CAPZB: variants seen among roughly 807,000 people sequenced by gnomAD.
CAPZB encodes the protein F-actin-capping protein subunit beta.
Under a neutral mutation model 38.1 loss-of-function variants are expected in CAPZB, and 2 were observed. The observed-to-expected ratio is 0.05, with a 90% CI of 0.02 to 0.17. The LOEUF (loss-of-function observed/expected upper bound fraction) is 0.17, where lower values mean the gene tolerates loss of function less well. Among genes scored for constraint, CAPZB ranks in the 10% least tolerant of loss-of-function variants. The probability of loss-of-function intolerance (pLI) is 1.00; values close to 1 mark genes in which losing one functional copy is unlikely to be tolerated. For synonymous variants in CAPZB, 107 were observed against 127.4 expected, an observed-to-expected ratio of 0.84 and a Z score of 1.08; for missense variants, 161 against 334.2, an observed-to-expected ratio of 0.48 and a Z score of 4.04.
chr1:19,365,345 G>A (rs1163203564), intron 4 of CAPZB, among the ~76,000 whole-genome samples: 3 of 152,122 alleles, frequency 2.0e-5, no homozygotes, highest in Non-Finnish European at 2.9e-5. Context: ...CTCTTCCCCC[G>A]AAGTCTTTAT....
intron 2 of CAPZB, among the ~76,000 whole-genome samples, chr1:19,389,239 G>A (rs1224707806): frequency 6.6e-6 from 1 of 151,970 alleles, no homozygotes; most frequent in Admixed American, 6.6e-5. Flanking sequence ...ACCTCTGCCC[G>A]AAACTCCTCA....
At chr1:19,428,721 C>T (rs2094432315) in intron 1 of CAPZB, among the ~76,000 whole-genome samples, 3 of 152,160 alleles carry the variant, frequency 2.0e-5, no homozygotes, top group East Asian at 1.9e-4. Context: ...GGATCTTCTT[C>T]GTGTTTTGAG....
chr1:19,394,521 G>C (rs2094255441), intron 2 of CAPZB, among the ~76,000 whole-genome samples: 3 of 152,200 alleles, frequency 2.0e-5, no homozygotes, highest in Admixed American at 2.0e-4. Flanking sequence ...AGGAGTTTGA[G>C]ACCAACCTGG....
chr1:19,474,966 T>C (rs114600284), intron 1 of CAPZB, among the ~76,000 whole-genome samples: 456 of 152,268 alleles, frequency 3.0e-3, no homozygotes, highest in Non-Finnish European at 4.8e-3. Flanking sequence ...GGCCCAGAAC[T>C]GACAAGGACC....
At chr1:19,365,625 G>A (rs2094079565) in intron 4 of CAPZB, among the ~76,000 whole-genome samples, 1 of 152,162 alleles carries the variant, frequency 6.6e-6, no homozygotes, top group Admixed American at 6.5e-5. Context: ...GAGGTCAGGA[G>A]TTCGAGACCA....
Position 19,359,294 on chromosome 1 carries a change from G to A in CAPZB, c.330-1731C>T, listed in dbSNP as rs77853905. On this transcript the variant is annotated intron_variant, in intron 4 of 8. Transcript: ENST00000264202. ...AAGCTTTTGTGAAAAATCAGTACACGAATACACCGGAGTGTAATGTAACTA... is the reference window on the plus strand; with the variant it reads ...AAGCTTTTGTGAAAAATCAGTACACAAATACACCGGAGTGTAATGTAACTA... 5.0e-5 allele frequency among the ~76,000 whole-genome samples: 7 copies of A among 139,248 alleles called. 1 individual carries two copies. The South Asian group carries it at 6.9e-4, about 14-fold the overall frequency. The allele number at this position is 139,248 out of a possible 152,430, so 91.4% of individuals were successfully genotyped here. A position where few individuals can be genotyped will look rare whatever the true frequency, so the allele number is the denominator to read the frequency against.
intron 2 of CAPZB, among the ~76,000 whole-genome samples, chr1:19,416,927 C>T (rs1463706173): frequency 2.8e-5 from 4 of 141,836 alleles, no homozygotes; most frequent in Non-Finnish European, 6.1e-5. Context: ...TCACACAGTA[C>T]ACCATATATC....
intron 1 of CAPZB, among the ~76,000 whole-genome samples, chr1:19,430,153 C>T (rs1173256295): frequency 2.6e-5 from 4 of 152,192 alleles, no homozygotes; most frequent in African/African-American, 9.7e-5. Flanking sequence ...ACAACTGTGG[C>T]AGCACTAGCA....
intron 3 of CAPZB, among the ~76,000 whole-genome samples, chr1:19,384,123 G>T (rs181516583): frequency 1.3e-5 from 2 of 152,172 alleles, no homozygotes; most frequent in East Asian, 3.9e-4. Context: ...AACATTTCAC[G>T]TGTGTTACTT....
At chr1:19,464,937 G>A (rs1234007662) in intron 1 of CAPZB, among the ~76,000 whole-genome samples, 2 of 152,140 alleles carry the variant, frequency 1.3e-5, no homozygotes, top group Non-Finnish European at 2.9e-5. Flanking sequence ...GACTTTTTAG[G>A]GTGAGGAAAC....
At chr1:19,399,843 A>C (rs1316565664) in intron 2 of CAPZB, among the ~76,000 whole-genome samples, 2 of 152,218 alleles carry the variant, frequency 1.3e-5, no homozygotes, top group African/African-American at 4.8e-5. Context: ...TTCATAGTTC[A>C]AGACTTGAGA....
At chr1:19,389,414 T>A (rs1323517630) in intron 2 of CAPZB, among the ~76,000 whole-genome samples, 1 of 145,120 alleles carries the variant, frequency 6.9e-6, no homozygotes, top group Non-Finnish European at 1.5e-5. Context: ...TTCCTAAAGG[T>A]TACATGGGTC....
At chr1:19,474,052 G>A (rs970074213) in intron 1 of CAPZB, among the ~76,000 whole-genome samples, 3 of 151,916 alleles carry the variant, frequency 2.0e-5, no homozygotes, top group African/African-American at 7.3e-5. Context: ...CTGGAAGGCA[G>A]TGATGTGATC....
At chr1:19,448,966 G>T (rs1235625602) in intron 1 of CAPZB, 2 of 1,608,312 alleles carry the variant, frequency 1.2e-6, no homozygotes, top group African/African-American at 2.7e-5. Context: ...GGGAGGCGAG[G>T]GGGCAAGAGG....
chr1:19,442,815 C>T (rs1225012949), intron 1 of CAPZB, among the ~76,000 whole-genome samples: 1 of 152,136 alleles, frequency 6.6e-6, no homozygotes, highest in Non-Finnish European at 1.5e-5. Flanking sequence ...TCTCCAACTC[C>T]GGTTTGTTTT....
chr1:19,416,890 T>TAAAAAAAAAAAAAAA (rs2094382319), intron 2 of CAPZB, among the ~76,000 whole-genome samples: 1 of 74,932 alleles, frequency 1.3e-5, no homozygotes, highest in African/African-American at 5.3e-5. Flanking sequence ...AAAAAAAAAG[T>TAAAAAAAAAAAAAAA]ATGCTCTGAC....
At chr1:19,418,189 A>C (rs1419703131) in intron 2 of CAPZB, among the ~76,000 whole-genome samples, 1 of 151,220 alleles carries the variant, frequency 6.6e-6, no homozygotes, top group Non-Finnish European at 1.5e-5. Flanking sequence ...ACAAACCAGG[A>C]AATTTTACAT....
intron 2 of CAPZB, among the ~76,000 whole-genome samples, chr1:19,406,766 C>G (rs980795480): frequency 6.6e-6 from 1 of 152,176 alleles, no homozygotes; most frequent in East Asian, 1.9e-4. Flanking sequence ...CAGTACCTGG[C>G]ACACGATAGT....
rs553295326 is a variant in CAPZB, at chr1:19,344,490, G to A, written c.655-56C>T. ...AAAGGTCAGGAACCCTGAGGCCCACGCCCTCCCTCCACCTGCCAGCCCTGC... is the reference window on the plus strand; with the variant it reads ...AAAGGTCAGGAACCCTGAGGCCCACACCCTCCCTCCACCTGCCAGCCCTGC... On this transcript the variant is annotated intron_variant, in intron 7 of 8. Transcript: ENST00000264202. The A allele has an allele frequency of 9.6e-5, 130 of 1,355,878 alleles. 1 individual carries two copies. The African/African-American group carries it at 1.6e-3, about 17-fold the overall frequency. The allele number at this position is 1,355,878 out of a possible 1,614,324, so 84.0% of individuals were successfully genotyped here.
Sources: allele counts gnomAD v4.1 joint callset (sites outside exome capture counted in the v4.1 genomes callset), GRCh38; gene constraint gnomAD v4.1.1; transcripts MANE v1.5; gene names NCBI Gene and HGNC (gene_info 2026-07-23, HGNC 2026-07-21).